Variants in ANO3 observed in about 807,000 individuals in gnomAD.
ANO3 encodes anoctamin-3.
In ANO3, 99 loss-of-function variants were observed where a neutral mutation model predicts 144.8. That is an observed-to-expected ratio of 0.68 (90% CI 0.58 to 0.81). ANO3 has a LOEUF of 0.81. ANO3 is among the 30% of genes least tolerant of loss of function. The pLI is 0.00. For synonymous variants in ANO3, 414 were observed against 392.6 expected, an observed-to-expected ratio of 1.05 and a Z score of -0.64; for missense variants, 905 against 1,202.2, an observed-to-expected ratio of 0.75 and a Z score of 3.66.
intron 1 of ANO3, among the ~76,000 whole-genome samples, chr11:26,365,696 C>G (rs1344011419): frequency 6.6e-6 from 1 of 152,154 alleles, no homozygotes; most frequent in Non-Finnish European, 1.5e-5. Context: ...GCCAGAGCAG[C>G]TGGGATATGA....
intron 6 of ANO3, among the ~76,000 whole-genome samples, chr11:26,520,085 C>A (rs1862012105): frequency 6.6e-6 from 1 of 152,038 alleles, no homozygotes; most frequent in African/African-American, 2.4e-5. Flanking sequence ...ATTGTTGTTC[C>A]CTTAACTTAG....
In ANO3 at chr11:26,660,805, C is replaced by G. The variant is rs1853856176; in HGVS notation, c.*361C>G. Reference sequence around the variant, plus strand: ...AGATTTCCATGTAAATGTGCACAAGCCAGGCATGGCTTAAAATATCATGCA... The same window carrying G: ...AGATTTCCATGTAAATGTGCACAAGGCAGGCATGGCTTAAAATATCATGCA... On this transcript the variant is annotated 3_prime_UTR_variant, in exon 27 of 27. Coordinates refer to ENST00000256737, the MANE Select transcript of ANO3 (RefSeq NM_031418.4). 5.3e-6 allele frequency: 1 copy of G among 189,664 alleles called. No homozygotes were observed. The highest frequency in any genetic ancestry group is 1.1e-5 in the Non-Finnish European group (1 of 93,850). 11.7% of individuals were successfully genotyped at this position (189,664 alleles called of 1,614,324 possible).
intron 14 of ANO3, among the ~76,000 whole-genome samples, chr11:26,586,501 A>ATTTTTTTTTTTTTTTTTTTTTTTT (rs1281089936): frequency 1.7e-4 from 7 of 40,010 alleles, no homozygotes; most frequent in African/African-American, 3.6e-4. Context: ...CCTGGTGAGA[A>ATTTTTTTTTTTTTTTTTTTTTTTT]TCTTTTTTTT....
At chr11:26,257,965 T>C (rs1853098232) in intron 1 of ANO3, among the ~76,000 whole-genome samples, 1 of 152,128 alleles carries the variant, frequency 6.6e-6, no homozygotes. Flanking sequence ...TATTTCATAT[T>C]TCCTATGAGA....
At chr11:26,351,276 A>T (rs548291012) in intron 1 of ANO3, among the ~76,000 whole-genome samples, 3 of 152,192 alleles carry the variant, frequency 2.0e-5, no homozygotes, top group Non-Finnish European at 4.4e-5. Context: ...CTGCCAAGTT[A>T]TATGTGACCC....
At chr11:26,388,857 C>T (rs1347940872) in intron 1 of ANO3, among the ~76,000 whole-genome samples, 1 of 152,094 alleles carries the variant, frequency 6.6e-6, no homozygotes, top group African/African-American at 2.4e-5. Context: ...CACGCACATA[C>T]ACACACCCTA....
intron 2 of ANO3, 99 bp downstream of exon 2, chr11:26,442,211 C>A: frequency 2.5e-6 from 3 of 1,207,358 alleles, no homozygotes; most frequent in Non-Finnish European, 3.5e-6. Context: ...TTTTATAGAG[C>A]TCTTCAGGAA....
intron 1 of ANO3, among the ~76,000 whole-genome samples, chr11:26,376,382 A>G (rs1291491483): frequency 6.6e-6 from 1 of 152,200 alleles, no homozygotes; most frequent in Non-Finnish European, 1.5e-5. Flanking sequence ...AAATAAATAA[A>G]GGAACTTTAC....
At chr11:26,536,602 T>G (rs1294002483) in intron 9 of ANO3, among the ~76,000 whole-genome samples, 2 of 152,054 alleles carry the variant, frequency 1.3e-5, no homozygotes, top group African/African-American at 4.8e-5. Context: ...TCTTAGCGTT[T>G]ATAATTTTCA....
At chr11:26,653,333 A>G (rs1231695779) in intron 24 of ANO3, among the ~76,000 whole-genome samples, 3 of 152,030 alleles carry the variant, frequency 2.0e-5, no homozygotes, top group Admixed American at 6.6e-5. Context: ...ATCCTTGGCA[A>G]TCAGCCTTGA....
rs370507909 is a variant in ANO3 at position 26,456,410 on chromosome 11, C to T, written c.314-6620C>T. On this transcript the variant is annotated intron_variant, in intron 3 of 26. Transcript: ENST00000256737. ...ACAAACAACCCCATCAAAATGTGGG[C>T]GAAGGACATGAACAGACACTTCTCA... 2.0e-4 allele frequency among the ~76,000 whole-genome samples: 31 copies of T among 152,026 alleles called. No individual in the cohort carries two copies. The South Asian group carries it at 2.1e-3, about 10-fold the overall frequency.
intron 1 of ANO3, among the ~76,000 whole-genome samples, chr11:26,217,329 C>T (rs867215868): frequency 6.6e-6 from 1 of 151,988 alleles, no homozygotes; most frequent in Non-Finnish European, 1.5e-5. Context: ...AAATCATCCC[C>T]CCCATCTATC....
chr11:26,305,523 G>C (rs1590247565), upstream of ANO3, among the ~76,000 whole-genome samples: 1 of 151,026 alleles, frequency 6.6e-6, no homozygotes, highest in Non-Finnish European at 1.5e-5. Flanking sequence ...GATAAAAGAG[G>C]GTTTTCAGAG....
chr11:26,363,281 G>A (rs999793014), intron 1 of ANO3, among the ~76,000 whole-genome samples: 1 of 152,086 alleles, frequency 6.6e-6, no homozygotes, highest in Non-Finnish European at 1.5e-5. Context: ...CCCATTATTA[G>A]GGTCTGCATT....
intron 1 of ANO3, among the ~76,000 whole-genome samples, chr11:26,296,681 T>G (rs1293081086): frequency 6.6e-6 from 1 of 152,208 alleles, no homozygotes; most frequent in Admixed American, 6.5e-5. Context: ...CTATTATATC[T>G]CACTGCAGTG....
intron 1 of ANO3, among the ~76,000 whole-genome samples, chr11:26,263,511 C>T (rs1217821294): frequency 6.6e-6 from 1 of 152,218 alleles, no homozygotes; most frequent in Non-Finnish European, 1.5e-5. Context: ...TGTTATTCAT[C>T]TCTGGGTAGC....
rs1853896669 is a variant in ANO3 at position 26,662,176 on chromosome 11, ATTGT to A, written c.*1739_*1742del. 6.6e-6 allele frequency: 1 copy of A among 151,746 alleles called. No homozygotes were observed. Among genetic ancestry groups the A allele is most frequent in the East Asian group, 1.9e-4 (1 of 5,166 alleles). The allele number at this position is 151,746 out of a possible 1,614,324, so 9.4% of individuals were successfully genotyped here. On this transcript the variant is annotated 3_prime_UTR_variant, in exon 27 of 27. Transcript: ENST00000256737. Reference sequence around the variant, plus strand: ...AACATGGATAGATGATAGCTGTTTCATTGTTTGTTTTTGTCAAGCATATTCACTT... The same window carrying A: ...AACATGGATAGATGATAGCTGTTTCATTGTTTTTGTCAAGCATATTCACTT...
intron 13 of ANO3, chr11:26,559,499 G>A (rs1269455519): frequency 2.0e-6 from 1 of 502,404 alleles, no homozygotes. Flanking sequence ...ATCAAGAGAG[G>A]AGAGAAGAGG....
chr11:26,405,424 T>A (rs1857254133), intron 1 of ANO3, among the ~76,000 whole-genome samples: 1 of 151,844 alleles, frequency 6.6e-6, no homozygotes, highest in Non-Finnish European at 1.5e-5. Flanking sequence ...TTTAGTTCTT[T>A]ATTAGATGTT....
Sources: gnomAD v4.1 joint callset for allele counts (sites outside exome capture counted in the v4.1 genomes callset) on GRCh38, gnomAD v4.1.1 for gene constraint, MANE v1.5 for transcripts, NCBI Gene and HGNC (gene_info 2026-07-23, HGNC 2026-07-21) for gene names.